CATSPERE: variants seen among roughly 807,000 people sequenced by gnomAD.
CATSPERE encodes the protein cation channel sperm-associated auxiliary subunit epsilon.
A neutral mutation model predicts 114.1 loss-of-function variants in CATSPERE; 93 were observed. The observed-to-expected ratio is 0.81, with a 90% CI of 0.69 to 0.97. The LOEUF (loss-of-function observed/expected upper bound fraction) is 0.97, where lower values mean the gene tolerates loss of function less well. Among genes scored for constraint, CATSPERE ranks in the 50% least tolerant of loss-of-function variants. CATSPERE has a pLI of 0.00. For synonymous variants in CATSPERE, 341 were observed against 384.1 expected (o/e 0.89, Z 1.31); for missense variants, 1,058 against 1,131.6 (o/e 0.93, Z 0.93).
At chr1:244,629,138 G>A (rs926277950) in intron 20 of CATSPERE, among the ~76,000 whole-genome samples, 13 of 152,112 alleles carry the variant, frequency 8.5e-5, no homozygotes, top group African/African-American at 3.1e-4. Context: ...AACTGTAGAG[G>A]CATCTGCTGA....
chr1:244,463,833 C>T, intron 1 of CATSPERE, 75 bp from the exon 2 acceptor site: 6 of 1,315,974 alleles, frequency 4.6e-6, no homozygotes, highest in Admixed American at 1.7e-5. Flanking sequence ...CAGCTATGCC[C>T]TGACCATGTA....
intron 21 of CATSPERE, 79 bp downstream of exon 21, chr1:244,635,621 T>C (rs1573129259): frequency 1.9e-6 from 2 of 1,067,378 alleles, no homozygotes; most frequent in East Asian, 4.9e-5. Flanking sequence ...AAAGCACCTC[T>C]CCCCCGTGTC....
intron 17 of CATSPERE, among the ~76,000 whole-genome samples, chr1:244,602,041 CTA>C (rs900525595): frequency 4.6e-5 from 7 of 150,958 alleles, no homozygotes; most frequent in African/African-American, 1.7e-4. Flanking sequence ...CTGGAAATCT[CTA>C]TGAGGTCAAG....
intron 2 of CATSPERE, among the ~76,000 whole-genome samples, chr1:244,470,685 A>G (rs1243124868): frequency 6.6e-6 from 1 of 152,208 alleles, no homozygotes; most frequent in Non-Finnish European, 1.5e-5. Flanking sequence ...AAATGAAAAT[A>G]TAATGTCCAC....
chr1:244,490,412 G>C (rs748930640), intron 5 of CATSPERE, 35 bp from the exon 6 acceptor site: 1 of 1,466,278 alleles, frequency 6.8e-7, no homozygotes, highest in South Asian at 1.2e-5. Flanking sequence ...TTAACAGGCT[G>C]TTTACTAAAA....
intron 20 of CATSPERE, among the ~76,000 whole-genome samples, chr1:244,625,430 A>ATTTTT (rs1476267922): frequency 2.3e-4 from 1 of 4,342 alleles, no homozygotes; most frequent in South Asian, 0.029. Flanking sequence ...ATATATATAT[A>ATTTTT]TATTTTTTTT....
chr1:244,529,558 G>C (rs1679263992), intron 8 of CATSPERE, among the ~76,000 whole-genome samples: 1 of 151,752 alleles, frequency 6.6e-6, no homozygotes, highest in African/African-American at 2.4e-5. Flanking sequence ...TATATATTCT[G>C]GTTATTAATC....
intron 17 of CATSPERE, among the ~76,000 whole-genome samples, chr1:244,601,217 G>A (rs1367850613): frequency 6.6e-6 from 1 of 152,066 alleles, no homozygotes; most frequent in African/African-American, 2.4e-5. Context: ...AAATTAACCA[G>A]GATGCAATAC....
intron 7 of CATSPERE, among the ~76,000 whole-genome samples, chr1:244,511,712 C>T (rs1366306795): frequency 1.3e-5 from 2 of 152,146 alleles, no homozygotes; most frequent in Non-Finnish European, 2.9e-5. Context: ...TATAGGACTT[C>T]CTTAAGCATT....
At chr1:244,470,310 TA>T (rs1336757831) in intron 2 of CATSPERE, among the ~76,000 whole-genome samples, 1 of 152,196 alleles carries the variant, frequency 6.6e-6, no homozygotes, top group Non-Finnish European at 1.5e-5. Flanking sequence ...TTTAGATATA[TA>T]AAGAACTACT....
intron 7 of CATSPERE, among the ~76,000 whole-genome samples, chr1:244,517,374 G>A (rs1676811235): frequency 6.6e-6 from 1 of 151,836 alleles, no homozygotes; most frequent in Non-Finnish European, 1.5e-5. Flanking sequence ...TTATACAAAA[G>A]GTAGTTGTAT....
intron 1 of CATSPERE, among the ~76,000 whole-genome samples, chr1:244,463,180 T>C (rs1667082414): frequency 6.6e-6 from 1 of 152,188 alleles, no homozygotes; most frequent in South Asian, 2.1e-4. Flanking sequence ...TTAATTTGTT[T>C]AGTTTTAATT....
At chr1:244,543,785 C>T (rs1659276979) in intron 8 of CATSPERE, among the ~76,000 whole-genome samples, 1 of 151,676 alleles carries the variant, frequency 6.6e-6, no homozygotes, top group South Asian at 2.1e-4. Flanking sequence ...GAGGATTCTT[C>T]TTTGGATTAA....
intron 5 of CATSPERE, among the ~76,000 whole-genome samples, chr1:244,480,163 G>A (rs1315931686): frequency 1.3e-5 from 2 of 152,136 alleles, no homozygotes; most frequent in Admixed American, 1.3e-4. Flanking sequence ...AATCCAGAGG[G>A]CTCTTCTATT....
intron 9 of CATSPERE, among the ~76,000 whole-genome samples, chr1:244,555,286 G>A (rs1001997153): frequency 4.6e-5 from 7 of 151,708 alleles, no homozygotes; most frequent in African/African-American, 1.7e-4. Flanking sequence ...TTGGGAGGCT[G>A]AGGCAGGAGA....
intron 2 of CATSPERE, 108 bp downstream of exon 2, chr1:244,464,064 TGTTTC>T: frequency 2.4e-6 from 2 of 819,708 alleles, no homozygotes. Flanking sequence ...GTCACTCTTC[TGTTTC>T]GTTTCTTTCA....
intron 8 of CATSPERE, among the ~76,000 whole-genome samples, chr1:244,531,229 C>CA (rs1400083302): frequency 8.7e-6 from 1 of 114,742 alleles, no homozygotes; most frequent in Non-Finnish European, 1.7e-5. Flanking sequence ...GAGGGAGACT[C>CA]AGTCTCAAAA....
At chr1:244,486,828 G>T (rs573150468) in intron 5 of CATSPERE, among the ~76,000 whole-genome samples, 10 of 88,486 alleles carry the variant, frequency 1.1e-4, no homozygotes, top group Non-Finnish European at 2.4e-4. Flanking sequence ...CACCTGGTGG[G>T]TGGTCCAGCA....
At chr1:244,593,366 A>G (rs1192274363) in intron 15 of CATSPERE, 29 bp from the exon 16 acceptor site, 1 of 1,609,876 alleles carries the variant, frequency 6.2e-7, no homozygotes, top group Non-Finnish European at 8.5e-7. Flanking sequence ...AAGAGGAAAG[A>G]GAAATAATGA....
Sources: allele counts gnomAD v4.1 joint callset (sites outside exome capture counted in the v4.1 genomes callset), GRCh38; gene constraint gnomAD v4.1.1; transcripts MANE v1.5; gene names NCBI Gene and HGNC (gene_info 2026-07-23, HGNC 2026-07-21).